PLXND1: variants seen among roughly 807,000 people sequenced by gnomAD.
PLXND1 encodes the protein plexin-D1.
A neutral mutation model predicts 197.7 loss-of-function variants in PLXND1; 54 were observed. The ratio of observed to expected loss-of-function variants is 0.27; its 90% CI spans 0.22 to 0.34. PLXND1 has a LOEUF of 0.34. Ranked by LOEUF, PLXND1 falls within the 10% of genes least tolerant of loss-of-function variation. The probability of loss-of-function intolerance (pLI) is 1.00; values close to 1 mark genes in which losing one functional copy is unlikely to be tolerated. For missense variants in PLXND1, 2,127 were observed against 2,699.2 expected, an observed-to-expected ratio of 0.79 and a Z score of 4.70; for synonymous variants, 1,180 against 1,161.2, an observed-to-expected ratio of 1.02 and a Z score of -0.33.
At position 129,561,912 on chromosome 3, in the gene PLXND1, C is replaced by A. The variant is rs981373500; in HGVS notation, c.4826-9G>T. The A allele has an allele frequency of 1.2e-6, 2 of 1,604,474 alleles. No homozygotes were observed. Among genetic ancestry groups the A allele is most frequent in the Admixed American group, 3.3e-5 (2 of 59,998 alleles). ...GCTGGAGGCGAACCACTCTGGGGGACAAGGGACAGGCCATCAGGGTCCGGG... is the reference window on the plus strand; with the variant it reads ...GCTGGAGGCGAACCACTCTGGGGGAAAAGGGACAGGCCATCAGGGTCCGGG... On this transcript the variant is annotated splice_polypyrimidine_tract_variant and intron_variant, in intron 27 of 35. Transcript: ENST00000324093.
chr3:129,563,003 C>G, intron 26 of PLXND1, 60 bp from the exon 27 acceptor site: 1 of 1,607,182 alleles, frequency 6.2e-7, no homozygotes, highest in Admixed American at 1.7e-5. Context: ...ATGTCAGTGC[C>G]CAGGCAGCAA....
intron 11 of PLXND1, among the ~76,000 whole-genome samples, chr3:129,575,027 A>C (rs2085291396): frequency 6.6e-6 from 1 of 152,098 alleles, no homozygotes; most frequent in African/African-American, 2.4e-5. Flanking sequence ...CATGGTGGGA[A>C]TCTGGAGGGC....
intron 27 of PLXND1, among the ~76,000 whole-genome samples, chr3:129,562,190 A>G (rs1337138647): frequency 6.6e-6 from 1 of 152,114 alleles, no homozygotes; most frequent in Non-Finnish European, 1.5e-5. Flanking sequence ...ATTGCTGATG[A>G]AACCCTTGGC....
chr3:129,589,452 T>G lies in PLXND1; in HGVS notation c.1387A>C (p.Thr463Pro). Residue 463 changes from threonine to proline, a missense_variant, in exon 2 of 36, where the codon ACG (threonine) becomes CCG (proline). Physicochemically the swap from Thr to Pro is conservative, Grantham distance 38 (BLOSUM62 -1). This residue lies in a region of PLXND1 where 1,095 missense variants were observed against 1,259.8 expected (regional missense o/e 0.87). Coordinates refer to ENST00000324093, the MANE Select transcript of PLXND1 (RefSeq NM_015103.3). ...PLSILQPLKA[T>P]PVFRAPGLTS... ...AGGCCCGGGGCGCGGAACACGGGCG[T>G]GGCCTTCAGGGGCTGCAGGATGGAC... 6.2e-7 allele frequency: 1 copy of G among 1,611,490 alleles called. No individual in the cohort carries two copies. Among genetic ancestry groups the G allele is most frequent in the Non-Finnish European group, 8.5e-7 (1 of 1,179,406 alleles).
intron 10 of PLXND1, 28 bp from the exon 11 acceptor site, chr3:129,575,590 G>C (rs2085301354): frequency 2.0e-6 from 3 of 1,503,900 alleles, no homozygotes; most frequent in Non-Finnish European, 2.7e-6. Context: ...AGAGCATAGG[G>C]GGCATGGGCA....
chr3:129,564,510 T>G (rs72987976), intron 25 of PLXND1, among the ~76,000 whole-genome samples: 17,860 of 152,154 alleles, frequency 0.12, 2,124 homozygotes, highest in African/African-American at 0.31. Context: ...AAACAGAACA[T>G]CCGAGGCCCC....
At chr3:129,572,790 C>T (rs768479334) in intron 14 of PLXND1, 42 bp from the exon 15 acceptor site, 15 of 1,610,662 alleles carry the variant, frequency 9.3e-6, no homozygotes, top group Admixed American at 5.0e-5. Context: ...GGCCAGCCCC[C>T]GGGAGTGTGC....
In PLXND1 at chr3:129,565,437, G is replaced by A; in HGVS notation, c.4424C>T (p.Ala1475Val). ...CAGCATGAGCTTGGGGTTCTTGGCG[G>A]CCGAGGCGTCAATGAGGTCCACCAG... ...ELLVDLIDAS[A>V]AKNPKLMLRR... The change falls in exon 25 of 36, where the codon GCC becomes GTC. Residue 1475 changes from alanine (A) to valine (V), a missense_variant. Transcript: ENST00000324093. 3 of 1,614,036 alleles carry A rather than the reference G, an allele frequency of 1.9e-6. No individual in the cohort carries two copies. The highest frequency in any genetic ancestry group is 2.5e-6 in the Non-Finnish European group (3 of 1,179,976).
At chr3:129,595,921 G>A (rs796481171) in intron 1 of PLXND1, among the ~76,000 whole-genome samples, 59 of 146,472 alleles carry the variant, frequency 4.0e-4, no homozygotes, top group South Asian at 3.5e-3. Flanking sequence ...GTGCACGCAC[G>A]CACACACACA....
chr3:129,596,601 A>G (rs892132944), intron 1 of PLXND1, among the ~76,000 whole-genome samples: 1 of 152,116 alleles, frequency 6.6e-6, no homozygotes, highest in Non-Finnish European at 1.5e-5. Flanking sequence ...GCCCTGGAAC[A>G]GTTTCCCTCC....
chr3:129,591,885 G>A (rs1350402789), intron 1 of PLXND1, among the ~76,000 whole-genome samples: 2 of 152,030 alleles, frequency 1.3e-5, no homozygotes, highest in Admixed American at 6.6e-5. Flanking sequence ...GGTCTCCCCC[G>A]ATTCAAGCCC....
In PLXND1 at chr3:129,605,811, G is replaced by C. The variant is rs758769129; in HGVS notation, c.829C>G (p.Leu277Val). 1.9e-6 allele frequency: 3 copies of C among 1,607,998 alleles called. No homozygotes were observed. The South Asian group carries it at 3.3e-5, about 18-fold the overall frequency. Residue 277 changes from leucine (L) to valine (V), a missense_variant, in exon 1 of 36, where the codon CTG becomes GTG. This residue lies in a region of PLXND1 where 1,095 missense variants were observed against 1,259.8 expected (regional missense o/e 0.87). Coordinates refer to ENST00000324093, the MANE Select transcript of PLXND1 (RefSeq NM_015103.3). ...IKQGAKEQHK[L>V]GFVSAFLHPS... ...TGCAGGAAGGCGCTCACGAAGCCCAGCTTGTGCTGCTCCTTGGCGCCCTGC... is the reference window on the plus strand; with the variant it reads ...TGCAGGAAGGCGCTCACGAAGCCCACCTTGTGCTGCTCCTTGGCGCCCTGC...
At chr3:129,603,745 G>A (rs752602620) in intron 1 of PLXND1, among the ~76,000 whole-genome samples, 2 of 152,294 alleles carry the variant, frequency 1.3e-5, no homozygotes, top group African/African-American at 2.4e-5. Context: ...TGTTGGGCCC[G>A]CCCACAGAGG....
Position 129,567,484 on chromosome 3 carries a change from G to C in PLXND1, c.4086+8C>G, listed in dbSNP as rs73204258. On this transcript the variant is annotated splice_region_variant and intron_variant, in intron 22 of 35. Coordinates refer to ENST00000324093, the MANE Select transcript of PLXND1 (RefSeq NM_015103.3). ...ACAGGTTCAGGGCAGGCTCAGGCTC[G>C]GGCTGACCTTGGGGAAGAAGGTGCG... The C allele has an allele frequency of 7.8e-6, 12 of 1,543,684 alleles. No homozygotes were observed. In the East Asian group the frequency reaches 2.1e-4, roughly 27 times the overall value.
At chr3:129,599,071 C>T (rs947095783) in intron 1 of PLXND1, among the ~76,000 whole-genome samples, 34 of 152,176 alleles carry the variant, frequency 2.2e-4, no homozygotes, top group African/African-American at 7.2e-4. Context: ...GGTCGGAGAA[C>T]GGAGGCCCAG....
intron 1 of PLXND1, among the ~76,000 whole-genome samples, chr3:129,593,465 C>T (rs911236611): frequency 9.9e-5 from 15 of 152,258 alleles, no homozygotes; most frequent in African/African-American, 3.6e-4. Context: ...CCTCTCCAGG[C>T]ATGCCCAGAC....
rs2085198909 is a variant in PLXND1, at chr3:129,569,911, C to A, written c.3797G>T (p.Gly1266Val). 1.2e-6 allele frequency: 2 copies of A among 1,613,570 alleles called. No homozygotes were observed. Among genetic ancestry groups the A allele is most frequent in the Non-Finnish European group, 1.7e-6 (2 of 1,179,604 alleles). ...CACGATGATGGCCGTCTCGCTGCCC[C>A]CCAGCTGCAGTGTGGCGATGGTCTG... ...FNQTIATLQL[G>V]GSETAIIVSI... is the part of the protein sequence containing the mutation. The change falls in exon 20 of 36, where the codon GGG becomes GTG. Residue 1266 changes from glycine to valine, a missense_variant. Transcript: ENST00000324093.
chr3:129,578,055 G>T (rs2085338444), intron 9 of PLXND1, among the ~76,000 whole-genome samples: 1 of 152,212 alleles, frequency 6.6e-6, no homozygotes, highest in Admixed American at 6.5e-5. Flanking sequence ...GAGCCTGGGG[G>T]CACTGGCTTT....
chr3:129,580,059 A>C (rs999309545), intron 8 of PLXND1, among the ~76,000 whole-genome samples: 7 of 152,168 alleles, frequency 4.6e-5, no homozygotes, highest in Non-Finnish European at 8.8e-5. Flanking sequence ...CCTAGGAGGT[A>C]GATACTATCA....
Sources: gnomAD v4.1 joint callset for allele counts (sites outside exome capture counted in the v4.1 genomes callset) on GRCh38, gnomAD v4.1.1 for gene constraint, gnomAD v4.1.1 regional missense constraint, MANE v1.5 for transcripts, NCBI Gene and HGNC (gene_info 2026-07-23, HGNC 2026-07-21) for gene names.